The following PDE6A variants were observed in gnomAD, a reference collection of about 807,000 sequenced individuals.
PDE6A encodes rod cGMP-specific 3',5'-cyclic phosphodiesterase subunit alpha.
Under a neutral mutation model 106.3 loss-of-function variants are expected in PDE6A, and 84 were observed. The ratio of observed to expected loss-of-function variants is 0.79; its 90% confidence interval spans 0.66 to 0.95. The LOEUF (loss-of-function observed/expected upper bound fraction) is 0.95, where lower values mean the gene tolerates loss of function less well. Among genes scored for constraint, PDE6A ranks in the 40% least tolerant of loss-of-function variants. The pLI, the probability that PDE6A is intolerant of heterozygous loss-of-function variation, is 0.00. For synonymous variants in PDE6A, 394 were observed against 386.6 expected (o/e 1.02, Z -0.23); for missense variants, 1,052 against 1,084.9 (o/e 0.97, Z 0.43).
chr5:149,870,771 C>CAAAA (rs3078093), intron 17 of PDE6A, among the ~76,000 whole-genome samples: 3 of 64,396 alleles, frequency 4.7e-5, no homozygotes, highest in African/African-American at 6.1e-5. Context: ...GAACACAGGG[C>CAAAA]AAAAAAAAAA....
Position 149,935,265 on chromosome 5 carries a change from A to AGT in PDE6A, c.475-549_475-548dup, listed in dbSNP as rs60720493. ...GTAGATTGTGTAGACTGTGTGTGTG[A>AGT]GTGTGTGTGTGTGTGTGTATGTGTA... On this transcript the variant is annotated intron_variant, in intron 1 of 21. Transcript: ENST00000255266. Among the ~76,000 whole-genome samples the AGT allele has an allele frequency of 9.7e-3, 1,460 of 149,854 alleles. 17 individuals are homozygous for AGT. The highest frequency in any genetic ancestry group is 0.033 in the African/African-American group (1,340 of 40,494).
intron 16 of PDE6A, among the ~76,000 whole-genome samples, chr5:149,884,256 ATGTGTATATATATGTATATATG>A (rs1487325285): frequency 2.1e-5 from 3 of 141,900 alleles, no homozygotes; most frequent in African/African-American, 5.1e-5. Context: ...GTGTATATAT[ATGTGTATATATATGTATATATG>A]TGTATATATG....
intron 6 of PDE6A, among the ~76,000 whole-genome samples, chr5:149,908,319 A>G (rs1157897): frequency 6.6e-6 from 1 of 152,216 alleles, no homozygotes; most frequent in South Asian, 2.1e-4. Flanking sequence ...TCAGTTCTAC[A>G]TGGTATATTC....
chr5:149,860,950 C>T lies in PDE6A; in HGVS notation c.2528G>A (p.Gly843Glu). The change falls in exon 22 of 22, where the codon GGG (glycine) becomes GAG (glutamate). Residue 843 changes from glycine (G) to glutamate (E), a missense_variant. This residue lies in a region of PDE6A where 135 missense variants were observed against 153.2 expected (regional missense o/e 0.88). Coordinates refer to ENST00000255266, the MANE Select transcript of PDE6A (RefSeq NM_000440.3). ...TGCACCCCCTGGGCTGGGGTTTCCC[C>T]CCGGCTGATTTCCTGCGGCTGCTGC... ...AKSAAAGNQP[G>E]GNPSPGGATT... 1 of 1,614,158 alleles carries T rather than the reference C, an allele frequency of 6.2e-7. No individual in the cohort carries two copies.
intron 17 of PDE6A, among the ~76,000 whole-genome samples, chr5:149,877,271 T>G (rs1367961446): frequency 6.6e-6 from 1 of 152,124 alleles, no homozygotes; most frequent in African/African-American, 2.4e-5. Flanking sequence ...TAAAAACTCT[T>G]GAACAAATAG....
intron 13 of PDE6A, among the ~76,000 whole-genome samples, chr5:149,890,396 A>G (rs900676870): frequency 2.0e-5 from 3 of 152,210 alleles, no homozygotes; most frequent in Admixed American, 2.0e-4. Flanking sequence ...CTTATTTTAT[A>G]TATTAAATTA....
At chr5:149,933,037 G>C (rs2113659339) in intron 3 of PDE6A, among the ~76,000 whole-genome samples, 1 of 152,308 alleles carries the variant, frequency 6.6e-6, no homozygotes, top group African/African-American at 2.4e-5. Context: ...CTGTCATCCA[G>C]GCTGGAGTAC....
chr5:149,872,788 G>A (rs245083), intron 17 of PDE6A, among the ~76,000 whole-genome samples: 12,339 of 152,244 alleles, frequency 0.081, 544 homozygotes, highest in South Asian at 0.2. Flanking sequence ...AAATGCCTGC[G>A]TGATGCCAGC....
chr5:149,874,913 A>G lies in PDE6A; in HGVS notation c.2136-6755T>C, dbSNP rs138998338. ...TTCCACATACTCCAGCTCAGCCCCC[A>G]TGATGGTCCACAAAGTAGGCACCAC... On this transcript the variant is annotated intron_variant, in intron 17 of 21. Coordinates refer to ENST00000255266, the MANE Select transcript of PDE6A (RefSeq NM_000440.3). 3.5e-3 allele frequency among the ~76,000 whole-genome samples: 533 copies of G among 152,228 alleles called. 4 individuals carry two copies. Among genetic ancestry groups the G allele is most frequent in the African/African-American group, 0.012 (512 of 41,544 alleles).
At chr5:149,866,558 T>C in intron 19 of PDE6A, 1 of 335,812 alleles carries the variant, frequency 3.0e-6, no homozygotes, top group Non-Finnish European at 5.6e-6. Flanking sequence ...AAAAGAGACT[T>C]AAGAGACATT....
chr5:149,916,801 G>A lies in PDE6A; in HGVS notation c.934-1794C>T, dbSNP rs530759263. On this transcript the variant is annotated intron_variant, in intron 5 of 21. Coordinates refer to ENST00000255266, the MANE Select transcript of PDE6A (RefSeq NM_000440.3). Reference sequence around the variant, plus strand: ...ACAGTGAACCAAAATCAGAACCTGGGTCCTTAATTCCCAGCTCAGTGCTTT... The same window carrying A: ...ACAGTGAACCAAAATCAGAACCTGGATCCTTAATTCCCAGCTCAGTGCTTT... 3.3e-5 allele frequency among the ~76,000 whole-genome samples: 5 copies of A among 152,266 alleles called. No individual in the cohort carries two copies. The South Asian group carries it at 8.3e-4, about 25-fold the overall frequency.
intron 7 of PDE6A, among the ~76,000 whole-genome samples, chr5:149,907,035 G>T (rs3776060): frequency 3.2e-4 from 48 of 152,144 alleles, no homozygotes; most frequent in African/African-American, 1.1e-3. Flanking sequence ...GCCCCCCAAA[G>T]TTCTGGGATT....
At chr5:149,896,622 A>G (rs1752762109) in intron 11 of PDE6A, 89 bp downstream of exon 11, 1 of 1,613,776 alleles carries the variant, frequency 6.2e-7, no homozygotes, top group Non-Finnish European at 8.5e-7. Flanking sequence ...GTGATGGGGA[A>G]CATGCTTTGC....
intron 13 of PDE6A, among the ~76,000 whole-genome samples, 184 bp from the exon 14 acceptor site, chr5:149,886,558 C>T (rs1044816888): frequency 2.6e-5 from 4 of 152,110 alleles, no homozygotes; most frequent in African/African-American, 7.2e-5. Context: ...GGATATGGGA[C>T]TTTCAGTGCT....
chr5:149,886,768 G>A (rs559128947), intron 13 of PDE6A, among the ~76,000 whole-genome samples: 28 of 152,318 alleles, frequency 1.8e-4, no homozygotes, highest in South Asian at 4.1e-4. Flanking sequence ...GGCCAGGCTG[G>A]TAAAGCAAAT....
At chr5:149,896,918 C>CA (rs1752776948) in intron 10 of PDE6A, 142 bp from the exon 11 acceptor site, 1 of 913,150 alleles carries the variant, frequency 1.1e-6, no homozygotes, top group Non-Finnish European at 1.8e-6. Context: ...TCCATTGATG[C>CA]ACAAGGTCCT....
intron 1 of PDE6A, among the ~76,000 whole-genome samples, chr5:149,942,425 C>T (rs945559413): frequency 6.6e-6 from 1 of 152,112 alleles, no homozygotes; most frequent in Admixed American, 6.5e-5. Context: ...CCTGGTGGTC[C>T]CTTACTCCTG....
chr5:149,886,702 G>A (rs1752319856), intron 13 of PDE6A, among the ~76,000 whole-genome samples: 1 of 152,216 alleles, frequency 6.6e-6, no homozygotes, highest in Non-Finnish European at 1.5e-5. Context: ...TGGATCAGAT[G>A]AATTTTGAGA....
chr5:149,920,942 A>AAAAGAAAGAAAG (rs3049632), intron 5 of PDE6A, among the ~76,000 whole-genome samples: 19,775 of 107,976 alleles, frequency 0.18, 2,219 homozygotes, highest in Non-Finnish European at 0.21. Flanking sequence ...GAAAGAGAGA[A>AAAAGAAAGAAAG]AAAGAAAGAA....
Sources: gnomAD v4.1 joint callset for allele counts (sites outside exome capture counted in the v4.1 genomes callset) on GRCh38, gnomAD v4.1.1 for gene constraint, gnomAD v4.1.1 regional missense constraint, MANE v1.5 for transcripts, NCBI Gene and HGNC (gene_info 2026-07-23, HGNC 2026-07-21) for gene names.